The following DLC1 variants were observed in gnomAD, a reference collection of about 807,000 sequenced individuals.
The protein encoded by DLC1 is rho GTPase-activating protein 7.
DLC1 carries 54 observed loss-of-function variants against 140.3 expected under a neutral mutation model. That is an observed-to-expected ratio of 0.38 (90% CI 0.31 to 0.48). The LOEUF (loss-of-function observed/expected upper bound fraction) is 0.48. Among genes scored for constraint, DLC1 ranks in the 20% least tolerant of loss-of-function variants. The pLI, the probability that DLC1 is intolerant of heterozygous loss-of-function variation, is 0.96. For missense variants in DLC1, 2,536 were observed against 1,907.0 expected, an observed-to-expected ratio of 1.33 and a Z score of -6.14; for synonymous variants, 986 against 728.1, an observed-to-expected ratio of 1.35 and a Z score of -5.70.
intron 4 of DLC1, among the ~76,000 whole-genome samples, chr8:13,381,134 G>T (rs896401430): frequency 6.6e-6 from 1 of 152,124 alleles, no homozygotes; most frequent in African/African-American, 2.4e-5. Flanking sequence ...GAGGAGGTGT[G>T]GCTGTATTAG....
intron 1 of DLC1, among the ~76,000 whole-genome samples, chr8:13,577,996 G>C (rs987325569): frequency 6.8e-6 from 1 of 148,112 alleles, no homozygotes; most frequent in East Asian, 2.0e-4. Flanking sequence ...CTGAGGATCA[G>C]GTTCTATAGA....
At chr8:13,233,522 G>A (rs7001526) in intron 5 of DLC1, among the ~76,000 whole-genome samples, 9,339 of 151,930 alleles carry the variant, frequency 0.061, 359 homozygotes, top group South Asian at 0.13. Context: ...TTTAAGGGCC[G>A]AATATTATTT....
chr8:13,228,949 A>G (rs1440107285), intron 5 of DLC1, among the ~76,000 whole-genome samples: 4 of 152,192 alleles, frequency 2.6e-5, no homozygotes, highest in Non-Finnish European at 4.4e-5. Flanking sequence ...AAGTGTTGGT[A>G]AGGATGTGGA....
Position 13,485,219 on chromosome 8 carries a change from A to G in DLC1, c.1023+13830T>C, listed in dbSNP as rs555577561. On this transcript the variant is annotated intron_variant, in intron 2 of 17. Transcript: ENST00000276297. ...TTCTCCTACATAGAGACTGACTTTT[A>G]TTTTTCTTTCCCAAGTCCTGATGCA... Among the ~76,000 whole-genome samples the G allele has an allele frequency of 2.0e-5, 3 of 152,120 alleles. No individual in the cohort carries two copies. The South Asian group carries it at 6.2e-4, about 32-fold the overall frequency.
chr8:13,511,957 C>T (rs954056245), intron 1 of DLC1, among the ~76,000 whole-genome samples: 6 of 152,040 alleles, frequency 3.9e-5, no homozygotes, highest in Non-Finnish European at 7.4e-5. Context: ...TAAACCATCC[C>T]ATAAGTATTT....
intron 2 of DLC1, among the ~76,000 whole-genome samples, chr8:13,481,271 C>G (rs770723533): frequency 1.3e-5 from 2 of 151,976 alleles, no homozygotes; most frequent in Non-Finnish European, 2.9e-5. Flanking sequence ...CAAAAAAATA[C>G]AAAATCTTAA....
At chr8:13,145,507 T>C (rs1350852788) in intron 5 of DLC1, among the ~76,000 whole-genome samples, 1 of 152,206 alleles carries the variant, frequency 6.6e-6, no homozygotes, top group Non-Finnish European at 1.5e-5. Context: ...TATGCTATGA[T>C]CTAGCAATTC....
At chr8:13,205,110 C>G (rs572346535) in intron 5 of DLC1, among the ~76,000 whole-genome samples, 61 of 151,996 alleles carry the variant, frequency 4.0e-4, no homozygotes, top group African/African-American at 1.3e-3. Flanking sequence ...AAAAAAATGC[C>G]AAAAAACTAC....
At chr8:13,186,572 G>C (rs1014298637) in intron 5 of DLC1, among the ~76,000 whole-genome samples, 1 of 152,110 alleles carries the variant, frequency 6.6e-6, no homozygotes, top group Non-Finnish European at 1.5e-5. Flanking sequence ...AAGGATTTTA[G>C]TTTCCTTGCA....
At chr8:13,439,153 G>A (rs905975757) in intron 2 of DLC1, among the ~76,000 whole-genome samples, 5 of 152,048 alleles carry the variant, frequency 3.3e-5, no homozygotes, top group Non-Finnish European at 5.9e-5. Context: ...GGTGAATTCC[G>A]TCTCTACTAA....
chr8:13,321,550 A>C (rs1169960572), intron 4 of DLC1, among the ~76,000 whole-genome samples: 2 of 149,810 alleles, frequency 1.3e-5, no homozygotes, highest in African/African-American at 4.9e-5. Context: ...AAAGAAAAAA[A>C]AAAAAAAAAA....
At chr8:13,505,654 C>T (rs183382348) in intron 1 of DLC1, among the ~76,000 whole-genome samples, 3 of 152,220 alleles carry the variant, frequency 2.0e-5, no homozygotes, top group African/African-American at 7.2e-5. Context: ...ACACAAACAC[C>T]AGTCTCATGT....
chr8:13,471,167 C>T (rs1436344591), intron 2 of DLC1, among the ~76,000 whole-genome samples: 1 of 151,578 alleles, frequency 6.6e-6, no homozygotes, highest in African/African-American at 2.4e-5. Context: ...AATGGGGAGG[C>T]ACTGATCAAG....
At chr8:13,133,217 T>A (rs1004040042) in intron 5 of DLC1, 18 of 1,418,640 alleles carry the variant, frequency 1.3e-5, no homozygotes, top group Non-Finnish European at 1.6e-5. Context: ...GAGCCGGCGC[T>A]CCTGATGCGG....
At chr8:13,379,433 AAAT>A (rs1836152538) in intron 4 of DLC1, among the ~76,000 whole-genome samples, 1 of 152,202 alleles carries the variant, frequency 6.6e-6, no homozygotes, top group Non-Finnish European at 1.5e-5. Context: ...AGCCTGTCTT[AAAT>A]GTGCTTATAA....
chr8:13,120,509 A>C (rs1820970028), intron 5 of DLC1, among the ~76,000 whole-genome samples: 1 of 151,556 alleles, frequency 6.6e-6, no homozygotes, highest in African/African-American at 2.4e-5. Context: ...GGGGGCCTCT[A>C]ACACAGCTCT....
In DLC1 at chr8:13,511,173, T is replaced by G. The variant is rs140596151; in HGVS notation, c.-126+3429A>C. On this transcript the variant is annotated intron_variant, in intron 1 of 17. Transcript: ENST00000276297. The stretch of plus-strand genomic sequence containing the variant: ...ATTTCCATTAACAGGGCTGATTTTC[T>G]CTTTGAATTATTTGAATTGCATTGC... Among the ~76,000 whole-genome samples, 228 of 152,354 alleles carry G rather than the reference T, an allele frequency of 1.5e-3. 1 individual carries two copies. Among genetic ancestry groups the G allele is most frequent in the African/African-American group, 5.2e-3 (218 of 41,594 alleles).
chr8:13,362,629 G>A (rs572547599), intron 4 of DLC1, among the ~76,000 whole-genome samples: 8 of 151,866 alleles, frequency 5.3e-5, no homozygotes, highest in African/African-American at 1.9e-4. Flanking sequence ...TGTTAATCTT[G>A]TTACTAAAAC....
chr8:13,270,588 T>G (rs1202994321), intron 5 of DLC1, among the ~76,000 whole-genome samples: 2 of 152,146 alleles, frequency 1.3e-5, no homozygotes, highest in African/African-American at 4.8e-5. Flanking sequence ...GATTCCCTCA[T>G]CAATGTGTGG....
Sources: gnomAD v4.1 joint callset for allele counts (sites outside exome capture counted in the v4.1 genomes callset) on GRCh38, gnomAD v4.1.1 for gene constraint, MANE v1.5 for transcripts, NCBI Gene and HGNC (gene_info 2026-07-23, HGNC 2026-07-21) for gene names.